SCARA5: variants seen among roughly 807,000 people sequenced by gnomAD.
The protein encoded by SCARA5 is scavenger receptor class A member 5.
In SCARA5, 45 loss-of-function variants were observed where a neutral mutation model predicts 46.3. The observed-to-expected ratio is 0.97, with a 90% confidence interval of 0.76 to 1.24. SCARA5 has a LOEUF of 1.24. Among genes scored for constraint, SCARA5 ranks in the 50% most tolerant of loss-of-function variants. SCARA5 has a pLI of 0.00. For missense variants in SCARA5, 680 were observed against 689.0 expected, an observed-to-expected ratio of 0.99 and a Z score of 0.15; for synonymous variants, 333 against 306.5, an observed-to-expected ratio of 1.09 and a Z score of -0.90.
intron 3 of SCARA5, among the ~76,000 whole-genome samples, chr8:27,957,091 C>A (rs1452575069): frequency 2.0e-5 from 3 of 152,026 alleles, no homozygotes; most frequent in African/African-American, 7.3e-5. Flanking sequence ...GAGGCCGAGG[C>A]ATGGACAGGG....
chr8:27,904,954 G>A, intron 6 of SCARA5, 120 bp from the exon 7 acceptor site: 1 of 863,164 alleles, frequency 1.2e-6, no homozygotes, highest in South Asian at 1.6e-5. Context: ...GGAGCCAGCA[G>A]CAACTGGAGA....
chr8:27,940,785 T>TCCAA (rs1213536387), intron 3 of SCARA5, among the ~76,000 whole-genome samples: 10 of 132,348 alleles, frequency 7.6e-5, no homozygotes, highest in African/African-American at 2.5e-4. Flanking sequence ...CATCCATCCA[T>TCCAA]CCATCCATCC....
At chr8:27,924,917 A>C (rs923265060) in intron 3 of SCARA5, among the ~76,000 whole-genome samples, 1 of 152,224 alleles carries the variant, frequency 6.6e-6, no homozygotes, top group Non-Finnish European at 1.5e-5. Context: ...ATACCTAGGA[A>C]TCCAACTTAC....
At chr8:27,933,742 C>A (rs1381727164) in intron 3 of SCARA5, among the ~76,000 whole-genome samples, 1 of 152,050 alleles carries the variant, frequency 6.6e-6, no homozygotes, top group Non-Finnish European at 1.5e-5. Context: ...CAGGGGAAAC[C>A]TTTCTCTGTT....
intron 3 of SCARA5, among the ~76,000 whole-genome samples, chr8:27,965,123 A>T (rs993586981): frequency 1.3e-5 from 2 of 152,128 alleles, no homozygotes; most frequent in Non-Finnish European, 2.9e-5. Flanking sequence ...CAGGTTGCTC[A>T]TTGATGGGAC....
At chr8:27,902,642 CAGG>C (rs1341752489) in intron 7 of SCARA5, among the ~76,000 whole-genome samples, 3 of 152,206 alleles carry the variant, frequency 2.0e-5, no homozygotes, top group South Asian at 2.1e-4. Context: ...CCACCCCCAT[CAGG>C]AGTTGTTTAT....
intron 7 of SCARA5, among the ~76,000 whole-genome samples, chr8:27,887,031 T>C (rs192753842): frequency 1.1e-3 from 165 of 152,284 alleles, no homozygotes; most frequent in African/African-American, 3.8e-3. Flanking sequence ...ACAGGGATTC[T>C]TGATTGTGTG....
chr8:27,917,897 T>C (rs1179086199), intron 4 of SCARA5, among the ~76,000 whole-genome samples: 1 of 152,186 alleles, frequency 6.6e-6, no homozygotes, highest in Admixed American at 6.5e-5. Context: ...TTCTACCTCC[T>C]TCCCTCCTTT....
At chr8:27,946,872 A>G (rs1808045671) in intron 3 of SCARA5, among the ~76,000 whole-genome samples, 1 of 152,054 alleles carries the variant, frequency 6.6e-6, no homozygotes, top group South Asian at 2.1e-4. Flanking sequence ...TTTCTGTTTT[A>G]GCAAACTCGT....
intron 4 of SCARA5, among the ~76,000 whole-genome samples, chr8:27,915,635 T>C (rs1394738528): frequency 6.6e-6 from 1 of 152,242 alleles, no homozygotes; most frequent in Non-Finnish European, 1.5e-5. Context: ...TAATAGATTG[T>C]GTTTTTTCTC....
chr8:27,920,703 T>C (rs760621297), intron 4 of SCARA5, among the ~76,000 whole-genome samples: 2 of 151,602 alleles, frequency 1.3e-5, no homozygotes, highest in African/African-American at 4.8e-5. Context: ...TCCTAACTAC[T>C]TGGAAGGCTA....
Position 27,890,934 on chromosome 8 carries a change from C to T in SCARA5, c.1154-11168G>A, listed in dbSNP as rs117425557. 9.0e-3 allele frequency among the ~76,000 whole-genome samples: 1,377 copies of T among 152,300 alleles called. 9 individuals carry two copies. Among genetic ancestry groups the T allele is most frequent in the Non-Finnish European group, 0.015 (1,026 of 68,030 alleles). The stretch of plus-strand genomic sequence containing the variant: ...CCAGGTTGTCCCGGCAGGTGTGGGT[C>T]TGAAGCAAGCAGCGTGGTGGGTGAG... On this transcript the variant is annotated intron_variant, in intron 7 of 8. Coordinates refer to ENST00000354914, the MANE Select transcript of SCARA5 (RefSeq NM_173833.6).
chr8:27,956,486 G>A (rs549153093), intron 3 of SCARA5, among the ~76,000 whole-genome samples: 1 of 152,290 alleles, frequency 6.6e-6, no homozygotes, highest in African/African-American at 2.4e-5. Flanking sequence ...GCCAGGCATT[G>A]TGCAAAAGCA....
chr8:27,905,701 T>A (rs887044337), intron 6 of SCARA5, among the ~76,000 whole-genome samples: 1 of 16,230 alleles, frequency 6.2e-5, no homozygotes. Flanking sequence ...TTTTCTTTTC[T>A]TTTCTTTTTT....
chr8:27,872,551 C>T (rs1218638029), intron 8 of SCARA5, among the ~76,000 whole-genome samples: 3 of 152,156 alleles, frequency 2.0e-5, no homozygotes, highest in Admixed American at 6.5e-5. Flanking sequence ...GCAGTGAATC[C>T]GGGGATGGAG....
At chr8:27,987,408 G>A (rs1260666424) in intron 2 of SCARA5, 96 bp downstream of exon 2, 3 of 787,000 alleles carry the variant, frequency 3.8e-6, no homozygotes, top group Non-Finnish European at 6.8e-6. Context: ...GAGGTCACAA[G>A]CACTTAAAGG....
At chr8:27,977,189 C>T (rs1409742261) in intron 2 of SCARA5, among the ~76,000 whole-genome samples, 2 of 152,196 alleles carry the variant, frequency 1.3e-5, no homozygotes, top group Non-Finnish European at 2.9e-5. Context: ...GGGCTCCACC[C>T]CCATGACCTA....
At chr8:27,976,072 G>A (rs1050538188) in intron 2 of SCARA5, among the ~76,000 whole-genome samples, 1 of 152,116 alleles carries the variant, frequency 6.6e-6, no homozygotes, top group Non-Finnish European at 1.5e-5. Flanking sequence ...GGGTGTGTGT[G>A]CTTGTTTTTG....
intron 3 of SCARA5, among the ~76,000 whole-genome samples, chr8:27,962,087 A>C (rs1442468754): frequency 6.6e-6 from 1 of 152,212 alleles, no homozygotes; most frequent in African/African-American, 2.4e-5. Flanking sequence ...GATGCAGGTA[A>C]AGAAGATCAA....
Sources: gnomAD v4.1 joint callset for allele counts (sites outside exome capture counted in the v4.1 genomes callset) on GRCh38, gnomAD v4.1.1 for gene constraint, MANE v1.5 for transcripts, NCBI Gene and HGNC (gene_info 2026-07-23, HGNC 2026-07-21) for gene names.